The following ZNF518A variants were observed in gnomAD, a reference collection of about 807,000 sequenced individuals.
The protein encoded by ZNF518A is zinc finger protein 518.
A neutral mutation model predicts 102.7 loss-of-function variants in ZNF518A; 47 were observed. The ratio of observed to expected loss-of-function variants is 0.46; its 90% CI spans 0.36 to 0.58. The LOEUF (loss-of-function observed/expected upper bound fraction) is 0.58, where lower values mean the gene tolerates loss of function less well. Among genes scored for constraint, ZNF518A ranks in the 20% least tolerant of loss-of-function variants. The pLI is 0.00. For synonymous variants in ZNF518A, 652 were observed against 594.6 expected, an observed-to-expected ratio of 1.10 and a Z score of -1.40; for missense variants, 1,793 against 1,699.8, an observed-to-expected ratio of 1.05 and a Z score of -0.96.
At position 96,159,931 on chromosome 10, in the gene ZNF518A, A is replaced by G. The variant is rs782164095; in HGVS notation, c.3609A>G (p.Ala1203=). 12 of 1,613,594 alleles carry G rather than the reference A, an allele frequency of 7.4e-6. No homozygotes were observed. Among genetic ancestry groups the G allele is most frequent in the South Asian group, 2.2e-5 (2 of 91,080 alleles). ...TCTTACTAGATGACTTAATGCCAGC[A>G]AATGAAATTGTGATAACTTCTACTG... is the stretch of plus-strand genomic sequence containing the variant. ...LPFLLDDLMP[A]NEIVITSTAT... is the part of the protein sequence containing the mutation. The change falls in exon 6 of 6, where the codon GCA becomes GCG. Residue 1203 remains alanine, a synonymous_variant. Transcript: ENST00000316045.
chr10:96,156,260 T>G lies in ZNF518A; in HGVS notation c.-63T>G. On this transcript the variant is annotated 5_prime_UTR_variant, in exon 6 of 6. The change creates a premature stop within an existing upstream ORF in the 5' untranslated region. Coordinates refer to ENST00000316045, the MANE Select transcript of ZNF518A (RefSeq NM_001330736.2). ...TCTCTACACAGTATCGTTTCCTGTTTAAATTACAGATAACTTCAAGAGTTT... is the reference window on the plus strand; with the variant it reads ...TCTCTACACAGTATCGTTTCCTGTTGAAATTACAGATAACTTCAAGAGTTT... The G allele has an allele frequency of 6.7e-7, 1 of 1,491,066 alleles. No homozygotes were observed. Among genetic ancestry groups the G allele is most frequent in the Non-Finnish European group, 8.9e-7 (1 of 1,120,134 alleles). 92.4% of individuals were successfully genotyped at this position (1,491,066 alleles called of 1,614,324 possible).
intron 3 of ZNF518A, among the ~76,000 whole-genome samples, chr10:96,141,835 G>A (rs1191002703): frequency 2.7e-5 from 4 of 150,304 alleles, no homozygotes; most frequent in Non-Finnish European, 4.4e-5. Context: ...TGCCACCCAG[G>A]TTTAAGGGAT....
chr10:96,194,768 ATTT>A lies in ZNF518A; in HGVS notation n.36-8788_36-8786del, dbSNP rs71034364. 4.5e-3 allele frequency among the ~76,000 whole-genome samples: 495 copies of A among 110,278 alleles called. 2 individuals carry two copies. The highest frequency in any genetic ancestry group is 0.015 in the African/African-American group (460 of 31,322). 72.3% of individuals were successfully genotyped at this position (110,278 alleles called of 152,430 possible). ...ATCACTAATCATCAGAGAAATGCAA[ATTT>A]TTTTTTTTTTTTTTTTTGAGACGGA... On this transcript the variant is annotated intron_variant and non_coding_transcript_variant, in intron 1 of 2. Transcript: ENST00000442635.
chr10:96,159,193 A>G lies in ZNF518A; in HGVS notation c.2871A>G (p.Ala957=). ...KPGLPVIPGN[A]LPLVNSQGIP... ...GGCTACCAGTTATTCCTGGAAATGC[A>G]CTTCCATTGGTTAATTCACAAGGTA... Residue 957 remains alanine (A), a synonymous_variant, in exon 6 of 6, where the codon GCA becomes GCG. Transcript: ENST00000316045. 1.2e-6 allele frequency: 2 copies of G among 1,613,802 alleles called. No individual in the cohort carries two copies. Among genetic ancestry groups the G allele is most frequent in the Non-Finnish European group, 1.7e-6 (2 of 1,179,750 alleles).
At chr10:96,180,038 C>G (rs2083230285) in intron 1 of ZNF518A, among the ~76,000 whole-genome samples, 2 of 151,974 alleles carry the variant, frequency 1.3e-5, no homozygotes, top group South Asian at 4.2e-4. Flanking sequence ...GCCATCACGC[C>G]TGGCTGATTT....
At chr10:96,164,210 T>C (rs1160100901), downstream of ZNF518A, among the ~76,000 whole-genome samples, 1 of 152,264 alleles carries the variant, frequency 6.6e-6, no homozygotes, top group Non-Finnish European at 1.5e-5. Context: ...CAGAATATTA[T>C]ATACTAATTC....
rs1367406213 is a variant in ZNF518A at position 96,159,772 on chromosome 10, T to C, written c.3450T>C (p.Pro1150=). Residue 1150 remains proline (P), a synonymous_variant, in exon 6 of 6, where the codon CCT becomes CCC. Transcript: ENST00000316045. ...PQRILLKIFN[P]VLNVTAANNL... is the part of the protein sequence containing the mutation. ...GAATATTGCTGAAAATTTTTAACCC[T>C]GTTTTAAATGTGACTGCTGCTAATA... is the stretch of plus-strand genomic sequence containing the variant. 1 of 1,613,496 alleles carries C rather than the reference T, an allele frequency of 6.2e-7. No homozygotes were observed. Among genetic ancestry groups the C allele is most frequent in the African/African-American group, 1.3e-5 (1 of 74,936 alleles).
rs1022110618 is a variant in ZNF518A at position 96,162,160 on chromosome 10, T to C, written c.*1386T>C. On this transcript the variant is annotated 3_prime_UTR_variant, in exon 6 of 6. Transcript: ENST00000316045. Reference sequence around the variant, plus strand: ...TCTTTTCTGTATATAACAAATTAAGTCTGTACATATTTTTGTACCTTTTAT... The same window carrying C: ...TCTTTTCTGTATATAACAAATTAAGCCTGTACATATTTTTGTACCTTTTAT... 7 of 166,946 alleles carry C rather than the reference T, an allele frequency of 4.2e-5. No individual in the cohort carries two copies. The highest frequency in any genetic ancestry group is 1.7e-4 in the African/African-American group (7 of 41,442). 10.3% of individuals were successfully genotyped at this position (166,946 alleles called of 1,614,324 possible). A position where few individuals can be genotyped will look rare whatever the true frequency, so the allele number is the denominator to read the frequency against.
At chr10:96,192,920 G>A (rs1329917576) in intron 1 of ZNF518A, among the ~76,000 whole-genome samples, 1 of 152,156 alleles carries the variant, frequency 6.6e-6, no homozygotes, top group African/African-American at 2.4e-5. Flanking sequence ...GAGTTTAGCA[G>A]TTACTATCAA....
chr10:96,154,888 A>G (rs1008594522), intron 3 of ZNF518A, among the ~76,000 whole-genome samples: 10 of 152,208 alleles, frequency 6.6e-5, no homozygotes, highest in East Asian at 5.8e-4. Context: ...ATGTAATTCA[A>G]CTTTTAATGA....
chr10:96,192,025 T>C lies in ZNF518A; in HGVS notation n.36-11549T>C, dbSNP rs782280453. The C allele has an allele frequency of 5.6e-6, 9 of 1,613,684 alleles. No homozygotes were observed. The highest frequency in any genetic ancestry group is 1.7e-5 in the Admixed American group (1 of 60,000). ...TCTGGTGGAATCTTTTGTGTTATTC[T>C]GACTGTCAATAAGAACCAAAGGACT... On this transcript the variant is annotated intron_variant and non_coding_transcript_variant, in intron 1 of 2. Coordinates refer to the ZNF518A transcript ENST00000442635.
rs1003379505 is a variant in ZNF518A, at chr10:96,161,185, C to T, written c.*411C>T. The T allele has an allele frequency of 1.2e-5, 2 of 171,032 alleles. No homozygotes were observed. The highest frequency in any genetic ancestry group is 4.8e-5 in the African/African-American group (2 of 41,610). The allele number at this position is 171,032 out of a possible 1,614,324, so 10.6% of individuals were successfully genotyped here. ...GTAGCTCCTCTGGAGATGGAGAGCT[C>T]TTTCATCGTAGAACTGAAGGAGTTT... On this transcript the variant is annotated 3_prime_UTR_variant, in exon 6 of 6. Transcript: ENST00000316045.
Position 96,157,238 on chromosome 10 carries a change from A to G in ZNF518A, c.916A>G (p.Lys306Glu). 8 of 1,609,976 alleles carry G rather than the reference A, an allele frequency of 5.0e-6. No homozygotes were observed. Among genetic ancestry groups the G allele is most frequent in the Non-Finnish European group, 6.8e-6 (8 of 1,178,456 alleles). ...EKDKYEKRMA[K>E]TSAGLKLILK... ...AGACAAATATGAAAAAAGAATGGCA[A>G]AGACTTCTGCAGGACTTAAGCTAAT... The change falls in exon 6 of 6, where the codon AAG becomes GAG. Residue 306 changes from lysine (K) to glutamate (E), a missense_variant. By Grantham distance (56) the Lys-to-Glu change is moderately conservative. Around this residue, in one of 3 missense-constraint regions of ZNF518A, gnomAD observed 1,741 missense variants for 1,622.6 expected, o/e 1.07. Coordinates refer to ENST00000316045, the MANE Select transcript of ZNF518A (RefSeq NM_001330736.2).
chr10:96,171,136 A>G (rs2083170987), intron 1 of ZNF518A, among the ~76,000 whole-genome samples: 1 of 152,140 alleles, frequency 6.6e-6, no homozygotes, highest in Non-Finnish European at 1.5e-5. Context: ...GGACTTCCTC[A>G]ATAGGTTACA....
downstream of ZNF518A, among the ~76,000 whole-genome samples, chr10:96,165,533 A>G (rs1220775294): frequency 2.0e-5 from 3 of 151,894 alleles, no homozygotes; most frequent in African/African-American, 7.2e-5. Context: ...GGAGATACAT[A>G]GTATTTCTGA....
At chr10:96,143,860 T>G (rs1162525899) in intron 3 of ZNF518A, among the ~76,000 whole-genome samples, 1 of 152,260 alleles carries the variant, frequency 6.6e-6, no homozygotes, top group Non-Finnish European at 1.5e-5. Flanking sequence ...GTCAGTAGTT[T>G]GGAGGATATC....
rs2081269124 is a variant in ZNF518A at position 96,130,453 on chromosome 10, T to G, written c.-752T>G. ...CTACATTCTAGGAGCTGGGTGGGAG[T>G]AGGAGACGGTGTGCCTCCGCGCTCC... is the stretch of plus-strand genomic sequence containing the variant. On this transcript the variant is annotated 5_prime_UTR_variant, in exon 1 of 6. Transcript: ENST00000316045. Among the ~76,000 whole-genome samples the G allele has an allele frequency of 6.6e-6, 1 of 152,104 alleles. No homozygotes were observed. The highest frequency in any genetic ancestry group is 1.5e-5 in the Non-Finnish European group (1 of 68,012).
chr10:96,181,081 T>G (rs2083237390), intron 1 of ZNF518A, among the ~76,000 whole-genome samples: 1 of 152,240 alleles, frequency 6.6e-6, no homozygotes, highest in Non-Finnish European at 1.5e-5. Flanking sequence ...TGATTTGCAT[T>G]TCTCTGATGG....
intron 1 of ZNF518A, among the ~76,000 whole-genome samples, chr10:96,182,965 G>A (rs1554892167): frequency 6.6e-6 from 1 of 152,134 alleles, no homozygotes; most frequent in East Asian, 1.9e-4. Flanking sequence ...ACTTCTTTTG[G>A]TTGGTAGGCT....
Sources: allele counts gnomAD v4.1 joint callset (sites outside exome capture counted in the v4.1 genomes callset), GRCh38; gene constraint gnomAD v4.1.1; regional missense constraint gnomAD v4.1.1; transcripts MANE v1.5; gene names NCBI Gene and HGNC (gene_info 2026-07-23, HGNC 2026-07-21).